Variants in RAB11FIP4 observed in about 807,000 individuals in gnomAD.
RAB11FIP4 encodes the protein rab11 family-interacting protein 4.
In RAB11FIP4, 23 loss-of-function variants were observed where a neutral mutation model predicts 74.3. That is an observed-to-expected ratio of 0.31 (90% CI 0.22 to 0.44). The LOEUF (loss-of-function observed/expected upper bound fraction) is 0.44. RAB11FIP4 is among the 20% of genes least tolerant of loss of function. The pLI, the probability that RAB11FIP4 is intolerant of heterozygous loss-of-function variation, is 1.00. For missense variants in RAB11FIP4, 630 were observed against 863.9 expected (o/e 0.73, Z 3.39); for synonymous variants, 360 against 359.9 (o/e 1.00, Z 0.00).
rs1355215796 is a variant in RAB11FIP4 at position 31,421,047 on chromosome 17, G to A, written c.160-10766G>A. Among the ~76,000 whole-genome samples the A allele has an allele frequency of 2.0e-5, 3 of 152,086 alleles. No homozygotes were observed. The East Asian group carries it at 5.8e-4, about 29-fold the overall frequency. ...TGCAGTGAGCCGAGATCACGCCATT[G>A]CACTCCAGCCTAGGCAACAAGAGCA... On this transcript the variant is annotated intron_variant, in intron 1 of 14. Coordinates refer to ENST00000621161, the MANE Select transcript of RAB11FIP4 (RefSeq NM_032932.6).
chr17:31,482,491 G>A (rs1029712451), intron 3 of RAB11FIP4, among the ~76,000 whole-genome samples: 3 of 151,928 alleles, frequency 2.0e-5, no homozygotes, highest in South Asian at 2.1e-4. Context: ...CTCAGGAGGC[G>A]GAGGCACAAG....
In RAB11FIP4 at chr17:31,391,780, C is replaced by T; in HGVS notation, c.-73C>T. 1 of 962,338 alleles carries T rather than the reference C, an allele frequency of 1.0e-6. No individual in the cohort carries two copies. The highest frequency in any genetic ancestry group is 1.2e-6 in the Non-Finnish European group (1 of 811,470). 59.6% of individuals were successfully genotyped at this position (962,338 alleles called of 1,614,324 possible). On this transcript the variant is annotated 5_prime_UTR_variant, in exon 1 of 15. Transcript: ENST00000621161. ...CAGACGGGCGGCCCCGGAGGGCGCG[C>T]GGCGATGGCGGCGGCGGGCAGGCGG...
intron 3 of RAB11FIP4, among the ~76,000 whole-genome samples, chr17:31,489,837 G>A (rs1237593044): frequency 6.6e-6 from 1 of 152,106 alleles, no homozygotes; most frequent in Admixed American, 6.5e-5. Context: ...AATTTGAAGG[G>A]GGGGCCTGGA....
At chr17:31,515,498 C>T (rs1380771703) in intron 3 of RAB11FIP4, among the ~76,000 whole-genome samples, 10 of 136,036 alleles carry the variant, frequency 7.4e-5, no homozygotes, top group South Asian at 4.6e-4. Context: ...CTGGTGGGGA[C>T]GGACCCCCAG....
intron 3 of RAB11FIP4, among the ~76,000 whole-genome samples, chr17:31,445,529 ATT>A (rs777882371): frequency 0.49 from 44,577 of 90,140 alleles, 13,297 homozygotes; most frequent in African/African-American, 0.67. Flanking sequence ...AATTTTCCCA[ATT>A]TTATATATAT....
In RAB11FIP4 at chr17:31,527,785, G is replaced by A. The variant is rs553546259; in HGVS notation, c.1275-57G>A. On this transcript the variant is annotated intron_variant, in intron 10 of 14. Transcript: ENST00000621161. ...AGAGAATCACTGCAGACTGGCAGGC[G>A]CTTATCAGATAGTCTACATTCCAGG... The A allele has an allele frequency of 2.0e-5, 27 of 1,331,928 alleles. No individual in the cohort carries two copies. The African/African-American group carries it at 2.7e-4, about 13-fold the overall frequency. The allele number at this position is 1,331,928 out of a possible 1,614,324, so 82.5% of individuals were successfully genotyped here.
chr17:31,488,018 C>A, intron 3 of RAB11FIP4: 1 of 1,010,556 alleles, frequency 9.9e-7, no homozygotes. Flanking sequence ...GGGGCCCAGG[C>A]GCCTCGTGAT....
chr17:31,411,934 T>G (rs1409103445), intron 1 of RAB11FIP4, among the ~76,000 whole-genome samples: 1 of 152,248 alleles, frequency 6.6e-6, no homozygotes, highest in Non-Finnish European at 1.5e-5. Context: ...CCATCGTCCT[T>G]GCCTCAGTCG....
chr17:31,443,263 C>A lies in RAB11FIP4; in HGVS notation c.336+9141C>A, dbSNP rs549236644. ...ACTTCTATTGAGTATTTTTTAAGAA[C>A]CAGAAATATAACTTTTTGACATACA... On this transcript the variant is annotated intron_variant, in intron 3 of 14. Transcript: ENST00000621161. Among the ~76,000 whole-genome samples the A allele has an allele frequency of 5.9e-5, 9 of 152,248 alleles. No individual in the cohort carries two copies. The South Asian group carries it at 6.2e-4, about 11-fold the overall frequency.
chr17:31,438,894 T>TCAAG (rs1382258240), intron 3 of RAB11FIP4, among the ~76,000 whole-genome samples: 3 of 152,126 alleles, frequency 2.0e-5, no homozygotes, highest in African/African-American at 7.2e-5. Context: ...GGAGGATTAC[T>TCAAG]TGAGCCCAGG....
chr17:31,524,683 T>G (rs1266703793), intron 9 of RAB11FIP4: 2 of 239,544 alleles, frequency 8.3e-6, no homozygotes, highest in Non-Finnish European at 1.7e-5. Flanking sequence ...GGGGCAGACT[T>G]CAGGCCACCA....
intron 3 of RAB11FIP4, among the ~76,000 whole-genome samples, chr17:31,488,921 G>T (rs1213394657): frequency 6.6e-6 from 1 of 152,232 alleles, no homozygotes; most frequent in Non-Finnish European, 1.5e-5. Context: ...TCTCTGGAGA[G>T]CGTGTCTGTG....
At chr17:31,477,704 T>A (rs534060223) in intron 3 of RAB11FIP4, among the ~76,000 whole-genome samples, 1 of 152,368 alleles carries the variant, frequency 6.6e-6, no homozygotes, top group South Asian at 2.1e-4. Flanking sequence ...TCTATGATGG[T>A]TACTTTGGGG....
intron 6 of RAB11FIP4, 77 bp downstream of exon 6, chr17:31,522,126 G>A: frequency 1.3e-6 from 2 of 1,581,812 alleles, no homozygotes; most frequent in South Asian, 2.2e-5. Flanking sequence ...TACGGGCATG[G>A]CGAGGCGACC....
intron 3 of RAB11FIP4, among the ~76,000 whole-genome samples, chr17:31,458,945 T>C (rs933155478): frequency 2.0e-5 from 3 of 152,142 alleles, no homozygotes; most frequent in East Asian, 1.9e-4. Flanking sequence ...GTGAATCTGG[T>C]CCCTCTATTA....
chr17:31,530,616 G>C (rs2072853463), intron 14 of RAB11FIP4, 147 bp downstream of exon 14: 2 of 1,084,550 alleles, frequency 1.8e-6, no homozygotes, highest in Admixed American at 5.1e-5. Context: ...GGGCAAGGCT[G>C]TGAGCAGGGG....
chr17:31,412,634 T>A (rs1206234663), intron 1 of RAB11FIP4, among the ~76,000 whole-genome samples: 1 of 152,190 alleles, frequency 6.6e-6, no homozygotes, highest in East Asian at 1.9e-4. Flanking sequence ...CGGGGCCACC[T>A]TAATCTCTGC....
At chr17:31,522,590 C>T in intron 7 of RAB11FIP4, 195 bp downstream of exon 7, 1 of 582,360 alleles carries the variant, frequency 1.7e-6, no homozygotes, top group Non-Finnish European at 3.0e-6. Context: ...CCTCCCTGCT[C>T]TCTCCCCACC....
chr17:31,412,078 C>T (rs980086722), intron 1 of RAB11FIP4, among the ~76,000 whole-genome samples: 1 of 152,182 alleles, frequency 6.6e-6, no homozygotes, highest in Admixed American at 6.5e-5. Flanking sequence ...GAGGACCCAC[C>T]AGAATTTCTC....
Sources: gnomAD v4.1 joint callset for allele counts (sites outside exome capture counted in the v4.1 genomes callset) on GRCh38, gnomAD v4.1.1 for gene constraint, MANE v1.5 for transcripts, NCBI Gene and HGNC (gene_info 2026-07-23, HGNC 2026-07-21) for gene names.